Variants in PCLO observed in about 807,000 individuals in gnomAD.
The protein encoded by PCLO is piccolo presynaptic cytomatrix protein.
In PCLO, 82 loss-of-function variants were observed where a neutral mutation model predicts 427.5. The ratio of observed to expected loss-of-function variants is 0.19; its 90% CI spans 0.16 to 0.23. PCLO has a LOEUF of 0.23. Among genes scored for constraint, PCLO ranks in the 10% least tolerant of loss-of-function variants. PCLO has a pLI of 1.00. For synonymous variants in PCLO, 2,357 were observed against 2,155.4 expected (o/e 1.09, Z -2.59); for missense variants, 6,239 against 6,115.9 (o/e 1.02, Z -0.67).
intron 3 of PCLO, among the ~76,000 whole-genome samples, chr7:83,112,060 GTTTGT>G (rs1489808263): frequency 6.6e-6 from 1 of 151,704 alleles, no homozygotes; most frequent in African/African-American, 2.4e-5. Context: ...TTGTTTTTTT[GTTTGT>G]TTTGTTTTTG....
intron 3 of PCLO, among the ~76,000 whole-genome samples, chr7:83,065,821 A>G (rs542754310): frequency 6.6e-6 from 1 of 152,200 alleles, no homozygotes; most frequent in East Asian, 1.9e-4. Context: ...TTATAAGTGA[A>G]TCGTGTCAAA....
At chr7:82,970,235 A>AT in intron 3 of PCLO, among the ~76,000 whole-genome samples, 1 of 152,152 alleles carries the variant, frequency 6.6e-6, no homozygotes, top group Middle Eastern at 3.4e-3. Context: ...GCAAGTTGAG[A>AT]TTCTCTCTTA....
Position 83,155,055 on chromosome 7 carries a change from G to A in PCLO, c.1586C>T (p.Pro529Leu), listed in dbSNP as rs772447813. Residue 529 changes from proline (P) to leucine (L), a missense_variant, in exon 2 of 25, where the codon CCC becomes CTC. Around this residue, in one of 5 missense-constraint regions of PCLO, gnomAD observed 4,677 missense variants for 4,468.4 expected, o/e 1.05. Coordinates refer to ENST00000333891, the MANE Select transcript of PCLO (RefSeq NM_033026.6). ...TGCTGAGCCAGGCTGTTGAGATGGGGGTTTTGTTGAGCCAGGCTGTTGAGG... is the reference window on the plus strand; with the variant it reads ...TGCTGAGCCAGGCTGTTGAGATGGGAGTTTTGTTGAGCCAGGCTGTTGAGG... The part of the protein sequence containing the change: ...PSPQQPGSTK[P>L]PSQQPGSAKP... 6.2e-7 allele frequency: 1 copy of A among 1,613,458 alleles called. No individual in the cohort carries two copies. Among genetic ancestry groups the A allele is most frequent in the South Asian group, 1.1e-5 (1 of 91,040 alleles).
intron 3 of PCLO, among the ~76,000 whole-genome samples, chr7:83,024,922 A>G (rs1788450159): frequency 1.3e-5 from 2 of 152,088 alleles, no homozygotes; most frequent in Admixed American, 6.5e-5. Context: ...ACTAACAAAC[A>G]GAAAGGACAT....
At chr7:82,779,269 A>AT (rs560018037) in intron 22 of PCLO, among the ~76,000 whole-genome samples, 45 of 151,930 alleles carry the variant, frequency 3.0e-4, no homozygotes, top group East Asian at 1.2e-3. Context: ...TTTTGCCTTG[A>AT]TTTTTTCTCT....
chr7:82,917,531 T>C (rs1794496638), intron 6 of PCLO, among the ~76,000 whole-genome samples: 1 of 152,074 alleles, frequency 6.6e-6, no homozygotes, highest in Non-Finnish European at 1.5e-5. Context: ...AGTTTTCAGA[T>C]ATTTTTCATT....
At chr7:82,925,928 C>T (rs909083165) in intron 6 of PCLO, among the ~76,000 whole-genome samples, 3 of 151,262 alleles carry the variant, frequency 2.0e-5, no homozygotes, top group Admixed American at 6.6e-5. Context: ...TATGTTGCCC[C>T]GGCTGGTCTC....
At chr7:82,856,844 T>C (rs1010734875) in intron 10 of PCLO, among the ~76,000 whole-genome samples, 1 of 152,054 alleles carries the variant, frequency 6.6e-6, no homozygotes, top group African/African-American at 2.4e-5. Flanking sequence ...TGTTATGGTA[T>C]TGGGGGGTGG....
At chr7:82,974,094 A>G (rs558639570) in intron 3 of PCLO, among the ~76,000 whole-genome samples, 207 of 152,272 alleles carry the variant, frequency 1.4e-3, no homozygotes, top group African/African-American at 4.7e-3. Context: ...TTTCTTTTAC[A>G]AGATATATAT....
At chr7:82,773,142 C>A (rs62466895) in intron 22 of PCLO, among the ~76,000 whole-genome samples, 9,630 of 152,150 alleles carry the variant, frequency 0.063, 700 homozygotes, top group African/African-American at 0.18. Flanking sequence ...AAGCAGAGCA[C>A]CCACCCAGGA....
intron 6 of PCLO, among the ~76,000 whole-genome samples, chr7:82,927,046 C>T (rs565215291): frequency 6.6e-6 from 1 of 152,018 alleles, no homozygotes; most frequent in South Asian, 2.1e-4. Context: ...TTTTTCCTTT[C>T]TTTTTTCCTG....
intron 3 of PCLO, among the ~76,000 whole-genome samples, chr7:83,117,535 T>G (rs937713789): frequency 6.6e-6 from 1 of 152,216 alleles, no homozygotes; most frequent in Non-Finnish European, 1.5e-5. Flanking sequence ...CCTCAAGAGC[T>G]GACATACTAT....
At position 83,002,677 on chromosome 7, in the gene PCLO, C is replaced by T. The variant is rs145439070; in HGVS notation, c.3301-36190G>A. Among the ~76,000 whole-genome samples the T allele has an allele frequency of 1.1e-3, 165 of 151,778 alleles. 2 individuals carry two copies. Among genetic ancestry groups the T allele is most frequent in the African/African-American group, 3.8e-3 (159 of 41,438 alleles). Reference sequence around the variant, plus strand: ...AAAATAGATTAAACAAATTATAGTTCGACAAGATAATGTTATACTGTAGTG... The same window carrying T: ...AAAATAGATTAAACAAATTATAGTTTGACAAGATAATGTTATACTGTAGTG... On this transcript the variant is annotated intron_variant, in intron 3 of 24. Coordinates refer to ENST00000333891, the MANE Select transcript of PCLO (RefSeq NM_033026.6).
chr7:82,807,373 T>A (rs1005206462), intron 20 of PCLO, among the ~76,000 whole-genome samples: 2 of 152,086 alleles, frequency 1.3e-5, no homozygotes, highest in Non-Finnish European at 2.9e-5. Context: ...TTGGATAGAG[T>A]TATACTAATG....
chr7:83,020,828 G>C (rs1168634129), intron 3 of PCLO, among the ~76,000 whole-genome samples: 1 of 152,072 alleles, frequency 6.6e-6, no homozygotes, highest in Non-Finnish European at 1.5e-5. Context: ...AATAAACCAA[G>C]CTTGTGGTAT....
At chr7:83,066,735 A>C (rs1032711610) in intron 3 of PCLO, among the ~76,000 whole-genome samples, 1 of 152,172 alleles carries the variant, frequency 6.6e-6, no homozygotes, top group Non-Finnish European at 1.5e-5. Flanking sequence ...CTGTCAAGAT[A>C]TCTCACTAAA....
At position 82,953,377 on chromosome 7, in the gene PCLO, G is replaced by A; in HGVS notation, c.7576C>T (p.Pro2526Ser). The change falls in exon 5 of 25, where the codon CCA becomes TCA. Residue 2526 changes from proline to serine, a missense_variant. Coordinates refer to ENST00000333891, the MANE Select transcript of PCLO (RefSeq NM_033026.6). ...GTTGGTTTGGGGTGTATATCTGTTG[G>A]TTTTTGTGTAGTTGTTGGAAGCTGA... is the stretch of plus-strand genomic sequence containing the variant. ...IPQLPTTTQK[P>S]TDIHPKPTGL... 1 of 1,613,716 alleles carries A rather than the reference G, an allele frequency of 6.2e-7. No homozygotes were observed. The highest frequency in any genetic ancestry group is 8.5e-7 in the Non-Finnish European group (1 of 1,179,806).
At chr7:82,833,253 CA>C (rs1423464155) in intron 16 of PCLO, among the ~76,000 whole-genome samples, 1 of 152,124 alleles carries the variant, frequency 6.6e-6, no homozygotes, top group Non-Finnish European at 1.5e-5. Context: ...ATTGGGCTTC[CA>C]GGTATAAAGA....
At chr7:83,097,168 ATATATAT>A (rs71074616) in intron 3 of PCLO, among the ~76,000 whole-genome samples, 4,115 of 68,918 alleles carry the variant, frequency 0.06, 740 homozygotes, top group East Asian at 0.26. Flanking sequence ...CATTATATAA[ATATATAT>A]TATATATTAT....
Sources: gnomAD v4.1 joint callset for allele counts (sites outside exome capture counted in the v4.1 genomes callset) on GRCh38, gnomAD v4.1.1 for gene constraint, gnomAD v4.1.1 regional missense constraint, MANE v1.5 for transcripts, NCBI Gene and HGNC (gene_info 2026-07-23, HGNC 2026-07-21) for gene names.